PPP4R2: variants seen among roughly 807,000 people sequenced by gnomAD.
The protein encoded by PPP4R2 is serine/threonine-protein phosphatase 4 regulatory subunit 2.
A neutral mutation model predicts 47.2 loss-of-function variants in PPP4R2; 13 were observed. The observed-to-expected ratio is 0.28, with a 90% CI of 0.18 to 0.44. The LOEUF is 0.44. Ranked by LOEUF, PPP4R2 falls within the 20% of genes least tolerant of loss-of-function variation. The probability of loss-of-function intolerance (pLI) is 1.00; values close to 1 mark genes in which losing one functional copy is unlikely to be tolerated. For synonymous variants in PPP4R2, 151 were observed against 163.3 expected (o/e 0.92, Z 0.57); for missense variants, 421 against 491.2 (o/e 0.86, Z 1.35).
intron 2 of PPP4R2, among the ~76,000 whole-genome samples, chr3:73,036,327 T>C (rs543675048): frequency 9.8e-4 from 149 of 152,330 alleles, no homozygotes; most frequent in Non-Finnish European, 1.7e-3. Context: ...TTTTAGTATT[T>C]GATAGCACAG....
chr3:73,037,403 T>C (rs1405175598), intron 2 of PPP4R2, among the ~76,000 whole-genome samples: 1 of 152,250 alleles, frequency 6.6e-6, no homozygotes, highest in Non-Finnish European at 1.5e-5. Flanking sequence ...AGCCTTATTA[T>C]TTTAAGGTAA....
chr3:73,029,456 C>T (rs1161394104), intron 2 of PPP4R2, among the ~76,000 whole-genome samples: 4 of 152,084 alleles, frequency 2.6e-5, no homozygotes, highest in African/African-American at 9.7e-5. Context: ...AAGGTACAAC[C>T]AACAGGATTT....
intron 2 of PPP4R2, among the ~76,000 whole-genome samples, chr3:73,034,146 T>G (rs1393961098): frequency 1.3e-5 from 2 of 152,198 alleles, no homozygotes; most frequent in African/African-American, 4.8e-5. Context: ...GTGTGTGTAT[T>G]TTTTTCTTTT....
At chr3:73,027,686 T>TGTGTGTGTG (rs1246443182) in intron 2 of PPP4R2, 1 of 129,374 alleles carries the variant, frequency 7.7e-6, no homozygotes, top group African/African-American at 3.0e-5. Flanking sequence ...GTGTGTGTGT[T>TGTGTGTGTG]TGTGTGTGTG....
At chr3:73,017,586 T>A (rs574647023) in intron 2 of PPP4R2, among the ~76,000 whole-genome samples, 8 of 152,362 alleles carry the variant, frequency 5.3e-5, no homozygotes, top group African/African-American at 1.7e-4. Context: ...GTTATTTCTG[T>A]CATCTTTCAG....
chr3:73,022,772 T>C (rs4677227), intron 2 of PPP4R2, among the ~76,000 whole-genome samples: 55,565 of 135,036 alleles, frequency 0.41, 10,492 homozygotes, highest in African/African-American at 0.48. Flanking sequence ...GCATTTCTTT[T>C]TTTTTTTTTT....
intron 3 of PPP4R2, among the ~76,000 whole-genome samples, chr3:73,051,706 A>G (rs1213439741): frequency 2.0e-5 from 3 of 151,884 alleles, no homozygotes; most frequent in Non-Finnish European, 2.9e-5. Context: ...GCTCATTGCA[A>G]CCTCCGCCTC....
chr3:73,061,209 A>G (rs903426010), intron 5 of PPP4R2, 149 bp downstream of exon 5: 2 of 369,332 alleles, frequency 5.4e-6, no homozygotes, highest in Non-Finnish European at 9.5e-6. Context: ...TCAGTCCCCA[A>G]AGTAGAATAT....
At chr3:73,054,224 G>T (rs1027961037) in intron 3 of PPP4R2, among the ~76,000 whole-genome samples, 2 of 152,042 alleles carry the variant, frequency 1.3e-5, no homozygotes, top group African/African-American at 4.8e-5. Flanking sequence ...AGCTAATTTC[G>T]CCTCTTTTAA....
At chr3:73,014,975 A>G in intron 2 of PPP4R2, 2 of 691,206 alleles carry the variant, frequency 2.9e-6, no homozygotes. Flanking sequence ...AACTGCGGGG[A>G]TTGCAGATGT....
At chr3:73,020,400 G>C (rs531463252) in intron 2 of PPP4R2, among the ~76,000 whole-genome samples, 163 of 152,176 alleles carry the variant, frequency 1.1e-3, no homozygotes, top group African/African-American at 3.8e-3. Context: ...GGTGGCTCAC[G>C]CCTGTAATCC....
At chr3:73,040,121 C>T (rs1482216940) in intron 2 of PPP4R2, among the ~76,000 whole-genome samples, 3 of 152,096 alleles carry the variant, frequency 2.0e-5, no homozygotes, top group Non-Finnish European at 4.4e-5. Context: ...TTGCAAAGGA[C>T]CTGTTAACAC....
chr3:73,056,903 T>C lies in PPP4R2; in HGVS notation c.288-2134T>C, dbSNP rs867648854. On this transcript the variant is annotated intron_variant, in intron 3 of 8. Transcript: ENST00000356692. ...TAGGTTTTAATGTGGGAAAGAATTT[T>C]AGTAGGAAGAAAAAGCATAATGACT... Among the ~76,000 whole-genome samples the C allele has an allele frequency of 2.6e-4, 39 of 152,314 alleles. No individual in the cohort carries two copies. The South Asian group carries it at 2.7e-3, about 11-fold the overall frequency.
Position 73,064,298 on chromosome 3 carries a change from A to G in PPP4R2, c.638+152A>G. The G allele has an allele frequency of 4.5e-6, 3 of 670,716 alleles. No homozygotes were observed. In the East Asian group the frequency reaches 8.6e-5, roughly 19 times the overall value. The allele number at this position is 670,716 out of a possible 1,614,324, so 41.5% of individuals were successfully genotyped here. ...AGCACTGGCTTCTCTTTGCAGCTGT[A>G]GCAAATGTTGAAGGTGGACATAGAC... is the stretch of plus-strand genomic sequence containing the variant. On this transcript the variant is annotated intron_variant, in intron 7 of 8. Transcript: ENST00000356692.
At chr3:72,997,576 T>C (rs1021556580) in intron 1 of PPP4R2, among the ~76,000 whole-genome samples, 21 of 152,222 alleles carry the variant, frequency 1.4e-4, no homozygotes, top group Non-Finnish European at 2.4e-4. Flanking sequence ...TGTTCTTGAT[T>C]GCACGCCTTC....
chr3:73,024,664 T>C (rs566419502), intron 2 of PPP4R2, among the ~76,000 whole-genome samples: 35 of 152,242 alleles, frequency 2.3e-4, no homozygotes, highest in South Asian at 1.0e-3. Context: ...CCTCCCTCCT[T>C]CTCCTTTCCT....
chr3:73,031,778 A>G (rs1438437081), intron 2 of PPP4R2, among the ~76,000 whole-genome samples: 2 of 152,280 alleles, frequency 1.3e-5, no homozygotes, highest in East Asian at 1.9e-4. Context: ...ACTTAATGCC[A>G]TCTCAGAACA....
At chr3:73,059,459 C>A (rs1460623712) in intron 4 of PPP4R2, among the ~76,000 whole-genome samples, 2 of 152,154 alleles carry the variant, frequency 1.3e-5, no homozygotes, top group African/African-American at 2.4e-5. Flanking sequence ...TATAAACTTA[C>A]ACATGGAATT....
At chr3:73,007,417 T>TG (rs1321828599) in intron 2 of PPP4R2, among the ~76,000 whole-genome samples, 1 of 152,180 alleles carries the variant, frequency 6.6e-6, no homozygotes, top group Non-Finnish European at 1.5e-5. Flanking sequence ...CCCATGAGGC[T>TG]GTTAGATCCT....
Sources: gnomAD v4.1 joint callset for allele counts (sites outside exome capture counted in the v4.1 genomes callset) on GRCh38, gnomAD v4.1.1 for gene constraint, MANE v1.5 for transcripts, NCBI Gene and HGNC (gene_info 2026-07-23, HGNC 2026-07-21) for gene names.